RBFOX1: variants seen among roughly 807,000 people sequenced by gnomAD.
RBFOX1 encodes the protein RNA binding fox-1 homolog 1.
Under a neutral mutation model 57.7 loss-of-function variants are expected in RBFOX1, and 8 were observed. The ratio of observed to expected loss-of-function variants is 0.14; its 90% CI spans 0.08 to 0.25. The LOEUF is 0.25. Ranked by LOEUF, RBFOX1 falls within the 10% of genes least tolerant of loss-of-function variation. The probability of loss-of-function intolerance (pLI) is 1.00; values close to 1 mark genes in which losing one functional copy is unlikely to be tolerated. For missense variants in RBFOX1, 611 were observed against 548.5 expected (o/e 1.11, Z -1.14); for synonymous variants, 326 against 222.4 (o/e 1.47, Z -4.15).
chr16:7,028,181 A>G (rs867893070), intron 3 of RBFOX1, among the ~76,000 whole-genome samples: 1 of 152,148 alleles, frequency 6.6e-6, no homozygotes, highest in East Asian at 1.9e-4. Context: ...GATTTGAAGA[A>G]GGATAGATAG....
intron 12 of RBFOX1, among the ~76,000 whole-genome samples, chr16:7,658,763 C>T (rs549331212): frequency 1.2e-4 from 18 of 152,310 alleles, no homozygotes; most frequent in African/African-American, 4.3e-4. Flanking sequence ...CTTGCTCTGT[C>T]ACCCAGGCTG....
intron 4 of RBFOX1, among the ~76,000 whole-genome samples, chr16:7,213,168 A>G (rs115444397): frequency 0.013 from 1,980 of 152,266 alleles, 30 homozygotes; most frequent in African/African-American, 0.045. Flanking sequence ...ACCTCAAAAC[A>G]CTGTCAGGAT....
chr16:6,211,949 A>G (rs897795553), intron 1 of RBFOX1, among the ~76,000 whole-genome samples: 2 of 151,996 alleles, frequency 1.3e-5, no homozygotes, highest in African/African-American at 4.8e-5. Flanking sequence ...TCCCAGGTTC[A>G]AGTAATTCTC....
chr16:5,266,189 G>C (rs371672827), intron 1 of RBFOX1, among the ~76,000 whole-genome samples: 2 of 152,180 alleles, frequency 1.3e-5, no homozygotes, highest in African/African-American at 2.4e-5. Context: ...CAGGGTTTCA[G>C]CTGTGACACT....
intron 3 of RBFOX1, among the ~76,000 whole-genome samples, chr16:6,935,876 C>A (rs1472590423): frequency 6.6e-6 from 1 of 152,148 alleles, no homozygotes; most frequent in Non-Finnish European, 1.5e-5. Flanking sequence ...AGGAGGGATG[C>A]TAGCCTGCAC....
rs144717171 is a variant in RBFOX1, at chr16:5,734,795, C to T, written c.319-132508C>T. ...AGCATATCCTTGGCTTGGATGAGCT[C>T]AGTGGGAGCTCATCCAAGAAGGAAG... On this transcript the variant is annotated intron_variant, in intron 3 of 19. Coordinates refer to the RBFOX1 transcript ENST00000641259. Among the ~76,000 whole-genome samples the T allele has an allele frequency of 8.4e-3, 1,271 of 152,096 alleles. 7 individuals are homozygous for T. Among genetic ancestry groups the T allele is most frequent in the Middle Eastern group, 0.02 (6 of 294 alleles).
intron 3 of RBFOX1, among the ~76,000 whole-genome samples, chr16:5,793,283 C>A (rs1281894185): frequency 6.6e-6 from 1 of 152,258 alleles, no homozygotes; most frequent in East Asian, 1.9e-4. Context: ...CTGCTTCTCC[C>A]CTGGCCCGCC....
chr16:6,588,258 C>T (rs1260337560), intron 2 of RBFOX1, among the ~76,000 whole-genome samples: 1 of 151,740 alleles, frequency 6.6e-6, no homozygotes, highest in African/African-American at 2.4e-5. Context: ...GGCAGTTTTG[C>T]TATACAGCCA....
chr16:7,551,251 C>T (rs1156817717), intron 5 of RBFOX1, among the ~76,000 whole-genome samples: 1 of 152,148 alleles, frequency 6.6e-6, no homozygotes, highest in Non-Finnish European at 1.5e-5. Flanking sequence ...CCAACCACCA[C>T]TTGTCCCCCA....
chr16:6,033,874 C>T (rs996952024), intron 1 of RBFOX1, among the ~76,000 whole-genome samples: 1 of 152,318 alleles, frequency 6.6e-6, no homozygotes, highest in East Asian at 1.9e-4. Flanking sequence ...GAGCTGCACC[C>T]TTACATGTTG....
intron 2 of RBFOX1, among the ~76,000 whole-genome samples, chr16:6,537,113 G>A (rs1221813176): frequency 1.3e-5 from 2 of 152,054 alleles, no homozygotes; most frequent in African/African-American, 4.8e-5. Flanking sequence ...TTCCATACCA[G>A]TGTTTCTCAA....
intron 4 of RBFOX1, among the ~76,000 whole-genome samples, chr16:7,352,494 T>G (rs2097146176): frequency 6.6e-6 from 1 of 152,186 alleles, no homozygotes; most frequent in Admixed American, 6.5e-5. Flanking sequence ...CTGTCACCAC[T>G]AAACGCTTAC....
intron 2 of RBFOX1, among the ~76,000 whole-genome samples, chr16:5,555,895 T>A (rs1024984581): frequency 3.3e-5 from 5 of 151,896 alleles, no homozygotes; most frequent in Non-Finnish European, 7.4e-5. Flanking sequence ...GTGGTGCATG[T>A]CTGTAATCCC....
At chr16:7,013,328 T>C (rs527409102) in intron 3 of RBFOX1, among the ~76,000 whole-genome samples, 1 of 152,314 alleles carries the variant, frequency 6.6e-6, no homozygotes, top group South Asian at 2.1e-4. Context: ...TCTGCTCATG[T>C]TATACGTGCA....
At chr16:5,961,173 T>G (rs2059740696) in intron 4 of RBFOX1, among the ~76,000 whole-genome samples, 1 of 152,070 alleles carries the variant, frequency 6.6e-6, no homozygotes, top group African/African-American at 2.4e-5. Flanking sequence ...TTGAGCCTTT[T>G]TTTCATTTGG....
chr16:5,623,695 T>G (rs1446460127), intron 3 of RBFOX1, among the ~76,000 whole-genome samples: 1 of 152,126 alleles, frequency 6.6e-6, no homozygotes, highest in African/African-American at 2.4e-5. Context: ...TCCTTCCCTT[T>G]TTCTCTCTCA....
At chr16:7,393,519 C>CCTGA (rs1265502147) in intron 4 of RBFOX1, among the ~76,000 whole-genome samples, 18 of 152,190 alleles carry the variant, frequency 1.2e-4, no homozygotes, top group Admixed American at 1.1e-3. Context: ...TAATGCCATG[C>CCTGA]CTGAGATGGG....
chr16:5,546,797 T>C (rs1415854597), intron 2 of RBFOX1, among the ~76,000 whole-genome samples: 1 of 152,144 alleles, frequency 6.6e-6, no homozygotes, highest in Non-Finnish European at 1.5e-5. Context: ...AACTCTACTT[T>C]GAAAAACAGT....
chr16:6,383,667 G>GAATT (rs1480862867), intron 2 of RBFOX1, among the ~76,000 whole-genome samples: 1 of 152,098 alleles, frequency 6.6e-6, no homozygotes, highest in Non-Finnish European at 1.5e-5. Context: ...CTACTCGGGA[G>GAATT]GCTGAGGCAG....
Sources: gnomAD v4.1 joint callset for allele counts (sites outside exome capture counted in the v4.1 genomes callset) on GRCh38, gnomAD v4.1.1 for gene constraint, MANE v1.5 for transcripts, NCBI Gene and HGNC (gene_info 2026-07-23, HGNC 2026-07-21) for gene names.